SGCZ: variants seen among roughly 807,000 people sequenced by gnomAD.
SGCZ encodes zeta-sarcoglycan.
A neutral mutation model predicts 41.3 loss-of-function variants in SGCZ; 40 were observed. The observed-to-expected ratio is 0.97, with a 90% CI of 0.75 to 1.26. The LOEUF (loss-of-function observed/expected upper bound fraction) is 1.26. Ranked by LOEUF, SGCZ falls within the 50% of genes most tolerant of loss-of-function variation. The pLI, the probability that SGCZ is intolerant of heterozygous loss-of-function variation, is 0.00. For synonymous variants in SGCZ, 206 were observed against 137.5 expected (o/e 1.50, Z -3.49); for missense variants, 552 against 369.8 (o/e 1.49, Z -4.04).
At chr8:14,980,852 T>G (rs1402408389) in intron 1 of SGCZ, among the ~76,000 whole-genome samples, 1 of 152,050 alleles carries the variant, frequency 6.6e-6, no homozygotes, top group African/African-American at 2.4e-5. Flanking sequence ...ATAATCTGTC[T>G]CTCTATCTAT....
intron 1 of SGCZ, among the ~76,000 whole-genome samples, chr8:14,731,581 T>C (rs764573556): frequency 5.9e-5 from 9 of 152,148 alleles, no homozygotes; most frequent in Non-Finnish European, 1.2e-4. Context: ...AATTCAACAA[T>C]ACTTGTAGAA....
rs544591617 is a variant in SGCZ at position 14,670,618 on chromosome 8, C to A, written c.40-115692G>T. Reference sequence around the variant, plus strand: ...GTTCTTACACCTGAGGAAAATAATACACTTAGTACATTTAAATTGGAACAC... The same window carrying A: ...GTTCTTACACCTGAGGAAAATAATAAACTTAGTACATTTAAATTGGAACAC... On this transcript the variant is annotated intron_variant, in intron 1 of 7. Coordinates refer to ENST00000382080, the MANE Select transcript of SGCZ (RefSeq NM_139167.4). 3.9e-5 allele frequency among the ~76,000 whole-genome samples: 6 copies of A among 152,236 alleles called. No individual in the cohort carries two copies. In the East Asian group the frequency reaches 1.2e-3, roughly 29 times the overall value.
intron 2 of SGCZ, among the ~76,000 whole-genome samples, chr8:14,507,127 T>C (rs181233207): frequency 3.1e-5 from 4 of 129,342 alleles, no homozygotes; most frequent in Non-Finnish European, 6.3e-5. Flanking sequence ...TTCCCTATCT[T>C]CCAAACTGTA....
chr8:14,508,032 A>G (rs974865878), intron 2 of SGCZ, among the ~76,000 whole-genome samples: 80 of 152,016 alleles, frequency 5.3e-4, no homozygotes, highest in African/African-American at 1.8e-3. Flanking sequence ...CGGCCTCCCA[A>G]AGTGCTAGGA....
At chr8:14,764,478 G>A (rs1454820578) in intron 1 of SGCZ, among the ~76,000 whole-genome samples, 3 of 152,144 alleles carry the variant, frequency 2.0e-5, no homozygotes, top group Non-Finnish European at 4.4e-5. Flanking sequence ...GTGATGCAAA[G>A]CTAAGTGTAA....
chr8:14,890,240 GAGAA>G (rs1804963298), intron 1 of SGCZ, among the ~76,000 whole-genome samples: 1 of 149,864 alleles, frequency 6.7e-6, no homozygotes, highest in South Asian at 2.1e-4. Context: ...GAAAGAGAGA[GAGAA>G]AGAGAGAAAG....
intron 3 of SGCZ, among the ~76,000 whole-genome samples, chr8:14,275,066 T>A (rs1800182889): frequency 6.6e-6 from 1 of 152,190 alleles, no homozygotes; most frequent in East Asian, 1.9e-4. Flanking sequence ...GAGTTGAATC[T>A]TTAATGTACA....
chr8:14,475,301 A>T (rs1416997227), intron 2 of SGCZ, among the ~76,000 whole-genome samples: 4 of 152,184 alleles, frequency 2.6e-5, no homozygotes, highest in African/African-American at 9.6e-5. Flanking sequence ...TCATAATAAA[A>T]GAATTGTGGA....
Position 14,459,547 on chromosome 8 carries a change from C to G in SGCZ, c.234+95185G>C, listed in dbSNP as rs62499710. Among the ~76,000 whole-genome samples the G allele has an allele frequency of 8.3e-3, 1,261 of 152,122 alleles. 6 individuals carry two copies. The highest frequency in any genetic ancestry group is 0.027 in the South Asian group (131 of 4,822). On this transcript the variant is annotated intron_variant, in intron 2 of 7. Coordinates refer to ENST00000382080, the MANE Select transcript of SGCZ (RefSeq NM_139167.4). Reference sequence around the variant, plus strand: ...ATTGATAGATGCTAATGTGAGTAAACAGAAGTTTGAGGAGAAGCAAGATAT... The same window carrying G: ...ATTGATAGATGCTAATGTGAGTAAAGAGAAGTTTGAGGAGAAGCAAGATAT...
intron 1 of SGCZ, among the ~76,000 whole-genome samples, chr8:14,774,344 C>T (rs1372186555): frequency 6.6e-6 from 1 of 152,168 alleles, no homozygotes; most frequent in Non-Finnish European, 1.5e-5. Context: ...GTCTTTTATA[C>T]ATACTCATCC....
intron 1 of SGCZ, among the ~76,000 whole-genome samples, chr8:14,956,128 C>G (rs1024500277): frequency 1.3e-5 from 2 of 150,810 alleles, no homozygotes; most frequent in African/African-American, 2.4e-5. Context: ...CAACCTCCAC[C>G]TCCTGGGTTC....
At chr8:14,094,283 C>A (rs1441648710) in intron 7 of SGCZ, among the ~76,000 whole-genome samples, 1 of 151,992 alleles carries the variant, frequency 6.6e-6, no homozygotes, top group East Asian at 1.9e-4. Flanking sequence ...TAATGCTATC[C>A]CTCCCCTAGC....
intron 4 of SGCZ, among the ~76,000 whole-genome samples, chr8:14,224,812 G>C (rs1305586221): frequency 6.6e-6 from 1 of 152,050 alleles, no homozygotes; most frequent in Non-Finnish European, 1.5e-5. Context: ...TTCTTTCTTG[G>C]AAACACTTAT....
intron 1 of SGCZ, among the ~76,000 whole-genome samples, chr8:14,895,921 T>A (rs1805179105): frequency 6.6e-6 from 1 of 152,200 alleles, no homozygotes; most frequent in Non-Finnish European, 1.5e-5. Flanking sequence ...ATAATGTGTA[T>A]ATAGGGTTGA....
At chr8:15,118,854 G>A (rs1172819406) in intron 1 of SGCZ, among the ~76,000 whole-genome samples, 3 of 152,088 alleles carry the variant, frequency 2.0e-5, no homozygotes, top group African/African-American at 4.8e-5. Context: ...TAAGTAATAC[G>A]ATACCTGCTG....
chr8:14,512,496 T>G (rs1005227112), intron 2 of SGCZ, among the ~76,000 whole-genome samples: 1 of 152,158 alleles, frequency 6.6e-6, no homozygotes, highest in Non-Finnish European at 1.5e-5. Context: ...GATCTCGCTC[T>G]GTTGCTCAGG....
chr8:14,341,308 A>G (rs905819854), intron 2 of SGCZ, among the ~76,000 whole-genome samples: 1 of 152,178 alleles, frequency 6.6e-6, no homozygotes, highest in Non-Finnish European at 1.5e-5. Flanking sequence ...TTGCTGCATC[A>G]TGTGGTAATT....
chr8:14,546,787 A>T (rs1803642277), intron 2 of SGCZ, among the ~76,000 whole-genome samples: 1 of 152,172 alleles, frequency 6.6e-6, no homozygotes. Flanking sequence ...TTTTTGAAGA[A>T]TATTTTTAAA....
chr8:14,558,558 G>C (rs932814076), intron 1 of SGCZ, among the ~76,000 whole-genome samples: 4 of 137,844 alleles, frequency 2.9e-5, no homozygotes, highest in African/African-American at 8.2e-5. Flanking sequence ...CTGGGTGACA[G>C]AATGAGAATG....
Sources: gnomAD v4.1 joint callset for allele counts (sites outside exome capture counted in the v4.1 genomes callset) on GRCh38, gnomAD v4.1.1 for gene constraint, MANE v1.5 for transcripts, NCBI Gene and HGNC (gene_info 2026-07-23, HGNC 2026-07-21) for gene names.